Variants in SLC12A9 observed in about 807,000 individuals in gnomAD.
SLC12A9 encodes the protein CCC-interacting protein 1.
In SLC12A9, 55 loss-of-function variants were observed where a neutral mutation model predicts 66.0. The observed-to-expected ratio is 0.83, with a 90% confidence interval of 0.67 to 1.04. The LOEUF (loss-of-function observed/expected upper bound fraction) is 1.04. Ranked by LOEUF, SLC12A9 falls within the 50% of genes least tolerant of loss-of-function variation. SLC12A9 has a pLI of 0.00. For synonymous variants in SLC12A9, 577 were observed against 569.0 expected (o/e 1.01, Z -0.20); for missense variants, 1,061 against 1,241.9 (o/e 0.85, Z 2.19).
rs761935478 is a variant in SLC12A9 at position 100,861,309 on chromosome 7, G to A, written c.1343+47G>A. The A allele has an allele frequency of 3.1e-6, 5 of 1,613,352 alleles. No individual in the cohort carries two copies. The highest frequency in any genetic ancestry group is 2.2e-5 in the South Asian group (2 of 91,070). On this transcript the variant is annotated intron_variant, in intron 10 of 13. Coordinates refer to ENST00000354161, the MANE Select transcript of SLC12A9 (RefSeq NM_020246.4). The surrounding 1 kb of genome is among the most constrained non-coding windows in gnomAD (Gnocchi z 5.3). Reference sequence around the variant, plus strand: ...CCCCAGAGAGAAGAAGGGAGGACTCGGGCTCAGGCGTGGGGCTGGGGACTG... The same window carrying A: ...CCCCAGAGAGAAGAAGGGAGGACTCAGGCTCAGGCGTGGGGCTGGGGACTG...
intron 2 of SLC12A9, 89 bp downstream of exon 2, chr7:100,854,467 G>A (rs571516244): frequency 6.3e-7 from 1 of 1,593,016 alleles, no homozygotes; most frequent in Non-Finnish European, 8.5e-7. Flanking sequence ...ATAAGATTAG[G>A]AAGGGGACCC....
intron 13 of SLC12A9, among the ~76,000 whole-genome samples, chr7:100,863,857 C>A (rs1188962111): frequency 1.3e-5 from 2 of 152,068 alleles, no homozygotes; most frequent in Admixed American, 6.6e-5. Flanking sequence ...AAATCAGAAC[C>A]CTGGGAAATA....
intron 1 of SLC12A9, chr7:100,827,394 C>T (rs1813440081): frequency 6.6e-6 from 1 of 150,542 alleles, no homozygotes; most frequent in Non-Finnish European, 1.5e-5. Flanking sequence ...CTGCTCGCGC[C>T]GCCGGGCCGA....
intron 1 of SLC12A9, among the ~76,000 whole-genome samples, chr7:100,841,248 A>G (rs1813784558): frequency 6.6e-6 from 1 of 152,074 alleles, no homozygotes; most frequent in Admixed American, 6.5e-5. Flanking sequence ...AAAGTTATAA[A>G]AAAGAATTTA....
chr7:100,850,273 T>C (rs1814034556), upstream of SLC12A9, among the ~76,000 whole-genome samples: 1 of 146,040 alleles, frequency 6.8e-6, no homozygotes, highest in Non-Finnish European at 1.5e-5. Context: ...TTTTTTTTTT[T>C]TATTGAGATA....
chr7:100,852,277 G>A (rs952120051), upstream of SLC12A9, among the ~76,000 whole-genome samples: 17 of 152,232 alleles, frequency 1.1e-4, no homozygotes, highest in Admixed American at 9.8e-4. Context: ...GGTGAGGGGC[G>A]AGGCTGGGAC....
At position 100,865,914 on chromosome 7, in the gene SLC12A9, C is replaced by T; in HGVS notation, c.2054C>T (p.Ala685Val). The T allele has an allele frequency of 6.2e-7, 1 of 1,613,560 alleles. No homozygotes were observed. The highest frequency in any genetic ancestry group is 8.5e-7 in the Non-Finnish European group (1 of 1,180,008). Reference protein sequence around the residue: ...PRALNPQDYVATVADALKMNK... With the variant: ...PRALNPQDYVVTVADALKMNK... ...GCCCTCAATCCCCAGGACTATGTGGCCACGGTGGCCGACGCCCTCAAGATG... is the reference window on the plus strand; with the variant it reads ...GCCCTCAATCCCCAGGACTATGTGGTCACGGTGGCCGACGCCCTCAAGATG... The change falls in exon 14 of 14, where the codon GCC becomes GTC. Residue 685 changes from alanine (A) to valine (V), a missense_variant. Coordinates refer to ENST00000354161, the MANE Select transcript of SLC12A9 (RefSeq NM_020246.4).
chr7:100,829,515 G>C (rs764731060), intron 1 of SLC12A9, among the ~76,000 whole-genome samples: 67 of 151,938 alleles, frequency 4.4e-4, no homozygotes, highest in Non-Finnish European at 6.2e-4. Flanking sequence ...GCCCGGGTTG[G>C]GGGGGGTGGG....
At chr7:100,837,730 C>G (rs1437912784) in intron 1 of SLC12A9, among the ~76,000 whole-genome samples, 3 of 152,224 alleles carry the variant, frequency 2.0e-5, no homozygotes, top group African/African-American at 7.2e-5. Flanking sequence ...AAGGTCATAC[C>G]TCATTGCAGC....
At chr7:100,859,763 T>C (rs953435509) in intron 7 of SLC12A9, 122 bp from the exon 8 acceptor site, 2 of 1,220,574 alleles carry the variant, frequency 1.6e-6, no homozygotes. Context: ...GGCTGCCCAA[T>C]GAATACCAGG....
chr7:100,851,621 G>A (rs1022109353), upstream of SLC12A9, among the ~76,000 whole-genome samples: 6 of 130,962 alleles, frequency 4.6e-5, no homozygotes. Context: ...GGCGAAACCC[G>A]GTCTCTACAA....
intron 1 of SLC12A9, chr7:100,827,622 T>C (rs1471473910): frequency 6.6e-6 from 1 of 152,070 alleles, no homozygotes; most frequent in Non-Finnish European, 1.5e-5. Flanking sequence ...GGCGCGCTGA[T>C]TGGAGCTCAC....
At chr7:100,826,962 C>T (rs549419150) in exon 1 of SLC12A9, 8 of 1,527,228 alleles carry the variant, frequency 5.2e-6, no homozygotes, top group African/African-American at 4.3e-5. Context: ...TGCGCCCCCC[C>T]CCGCAAGGAA....
chr7:100,862,903 G>A (rs930109234), intron 13 of SLC12A9, 76 bp downstream of exon 13: 2 of 1,572,948 alleles, frequency 1.3e-6, no homozygotes, highest in Admixed American at 3.4e-5. Flanking sequence ...CCCCTAGAGA[G>A]TCAGCCACAG....
intron 1 of SLC12A9, among the ~76,000 whole-genome samples, chr7:100,842,094 C>A (rs1300073941): frequency 1.3e-5 from 2 of 151,300 alleles, no homozygotes; most frequent in Non-Finnish European, 2.9e-5. Flanking sequence ...TGCTGCTAAC[C>A]ACCAAGACTG....
chr7:100,851,561 C>T (rs1814078190), upstream of SLC12A9, among the ~76,000 whole-genome samples: 1 of 151,312 alleles, frequency 6.6e-6, no homozygotes, highest in Non-Finnish European at 1.5e-5. Flanking sequence ...GTAGCTGGGA[C>T]TGCAGGCGCA....
At chr7:100,826,999 G>A in exon 1 of SLC12A9, 1 of 1,575,730 alleles carries the variant, frequency 6.3e-7, no homozygotes, top group South Asian at 1.2e-5. Context: ...TGCGGCCAAC[G>A]AAGCCCAGCA....
chr7:100,831,633 G>A (rs966628953), intron 1 of SLC12A9, among the ~76,000 whole-genome samples: 2 of 152,128 alleles, frequency 1.3e-5, no homozygotes, highest in African/African-American at 4.8e-5. Flanking sequence ...GACCATGCCC[G>A]GCTAATAAGT....
chr7:100,862,976 C>A, intron 13 of SLC12A9, 149 bp downstream of exon 13: 1 of 953,518 alleles, frequency 1.0e-6, no homozygotes, highest in Non-Finnish European at 1.6e-6. Context: ...AAGATAATAG[C>A]CTCAGACAGT....
Sources: allele counts gnomAD v4.1 joint callset (sites outside exome capture counted in the v4.1 genomes callset), GRCh38; gene constraint gnomAD v4.1.1; non-coding constraint Gnocchi (gnomAD v3.1); transcripts MANE v1.5; gene names NCBI Gene and HGNC (gene_info 2026-07-23, HGNC 2026-07-21).